The following KCNT2 variants were observed in gnomAD, a reference collection of about 807,000 sequenced individuals.
KCNT2 encodes the protein potassium sodium-activated channel subfamily T member 2.
KCNT2 carries 67 observed loss-of-function variants against 153.8 expected under a neutral mutation model. The ratio of observed to expected loss-of-function variants is 0.44; its 90% CI spans 0.36 to 0.53. The LOEUF (loss-of-function observed/expected upper bound fraction) is 0.53, where lower values mean the gene tolerates loss of function less well. Among genes scored for constraint, KCNT2 ranks in the 20% least tolerant of loss-of-function variants. KCNT2 has a pLI of 0.00. For missense variants in KCNT2, 975 were observed against 1,354.8 expected (o/e 0.72, Z 4.40); for synonymous variants, 500 against 458.8 (o/e 1.09, Z -1.15).
chr1:196,449,242 C>T lies in KCNT2; in HGVS notation c.638+16051G>A, dbSNP rs535217329. Reference sequence around the variant, plus strand: ...TTCACAGTAGGCACACTAGAGGGAACAAGCTCATATGAAATTCTAATGAGA... The same window carrying T: ...TTCACAGTAGGCACACTAGAGGGAATAAGCTCATATGAAATTCTAATGAGA... On this transcript the variant is annotated intron_variant, in intron 8 of 27. Transcript: ENST00000294725. Among the ~76,000 whole-genome samples, 18 of 151,764 alleles carry T rather than the reference C, an allele frequency of 1.2e-4. No individual in the cohort carries two copies. In the East Asian group the frequency reaches 3.3e-3, roughly 28 times the overall value.
At chr1:196,313,173 A>G (rs554822877) in intron 21 of KCNT2, among the ~76,000 whole-genome samples, 2 of 151,794 alleles carry the variant, frequency 1.3e-5, no homozygotes, top group African/African-American at 4.8e-5. Context: ...TAGGGTAAGT[A>G]AAAAGGTAGT....
chr1:196,426,048 A>T, intron 10 of KCNT2, 60 bp from the exon 11 acceptor site: 1 of 1,287,568 alleles, frequency 7.8e-7, no homozygotes, highest in Non-Finnish European at 1.1e-6. Flanking sequence ...TACACTACAT[A>T]GAAAAATAAA....
At chr1:196,294,465 A>G (rs1359769325) in intron 22 of KCNT2, among the ~76,000 whole-genome samples, 1 of 151,940 alleles carries the variant, frequency 6.6e-6, no homozygotes, top group African/African-American at 2.4e-5. Context: ...TAGTAGAGAC[A>G]GGGTTTCACC....
chr1:196,233,175 C>G (rs1654111111), intron 27 of KCNT2, among the ~76,000 whole-genome samples: 2 of 151,276 alleles, frequency 1.3e-5, no homozygotes, highest in South Asian at 4.1e-4. Flanking sequence ...AATTGAAGTC[C>G]TTTATAAATT....
chr1:196,481,967 A>G (rs917861264), intron 4 of KCNT2, among the ~76,000 whole-genome samples: 36 of 152,290 alleles, frequency 2.4e-4, no homozygotes, highest in Admixed American at 2.1e-3. Flanking sequence ...CACTAAGAAT[A>G]CAAGGTAAAA....
chr1:196,253,854 A>C (rs1463457725), intron 26 of KCNT2, among the ~76,000 whole-genome samples: 1 of 151,598 alleles, frequency 6.6e-6, no homozygotes, highest in Non-Finnish European at 1.5e-5. Flanking sequence ...TTTCAATAAC[A>C]AAAAAATTTT....
At chr1:196,248,611 C>A (rs1203023626) in intron 26 of KCNT2, among the ~76,000 whole-genome samples, 1 of 152,022 alleles carries the variant, frequency 6.6e-6, no homozygotes, top group Non-Finnish European at 1.5e-5. Context: ...AAATCCAAAA[C>A]CTAAACAGAC....
intron 25 of KCNT2, among the ~76,000 whole-genome samples, chr1:196,266,695 T>G (rs979674901): frequency 6.6e-6 from 1 of 152,168 alleles, no homozygotes; most frequent in African/African-American, 2.4e-5. Context: ...CTTCTCCTTT[T>G]AATAGTCAAA....
chr1:196,550,200 G>A (rs1006775001), intron 1 of KCNT2, among the ~76,000 whole-genome samples: 6 of 151,674 alleles, frequency 4.0e-5, no homozygotes, highest in African/African-American at 1.5e-4. Context: ...TCAGTTTAAA[G>A]GATAAAAAAG....
chr1:196,501,438 T>G (rs754630448), intron 1 of KCNT2, among the ~76,000 whole-genome samples: 2 of 152,152 alleles, frequency 1.3e-5, no homozygotes, highest in Non-Finnish European at 2.9e-5. Context: ...AATATCTTTT[T>G]CAGCAACATG....
At position 196,441,011 on chromosome 1, in the gene KCNT2, G is replaced by T. The variant is rs576082606; in HGVS notation, c.639-11254C>A. Among the ~76,000 whole-genome samples, 240 of 151,898 alleles carry T rather than the reference G, an allele frequency of 1.6e-3. 1 individual carries two copies. Among genetic ancestry groups the T allele is most frequent in the African/African-American group, 5.6e-3 (232 of 41,514 alleles). On this transcript the variant is annotated intron_variant, in intron 8 of 27. Transcript: ENST00000294725. Reference sequence around the variant, plus strand: ...GAAGCTCCCTCATCCTGCTCAGAAAGAAGCTGGGAGAAGACAGATTTCTTT... The same window carrying T: ...GAAGCTCCCTCATCCTGCTCAGAAATAAGCTGGGAGAAGACAGATTTCTTT...
rs1273560334 is a variant in KCNT2 at position 196,326,862 on chromosome 1, C to T, written c.2131G>A (p.Ala711Thr). The change falls in exon 19 of 28, where the codon GCA becomes ACA. Residue 711 changes from alanine to threonine, a missense_variant. Transcript: ENST00000294725. ...TTATTTTTGAATCCATAGGCTTTTGCATCCTCATAGTAGTTATGTTGGCAA... is the reference window on the plus strand; with the variant it reads ...TTATTTTTGAATCCATAGGCTTTTGTATCCTCATAGTAGTTATGTTGGCAA... ...KSCQHNYYED[A>T]KAYGFKNKLI... 3 of 1,583,416 alleles carry T rather than the reference C, an allele frequency of 1.9e-6. No individual in the cohort carries two copies. In the African/African-American group the frequency reaches 4.1e-5, roughly 22 times the overall value.
At chr1:196,598,682 T>A (rs915833654) in intron 1 of KCNT2, among the ~76,000 whole-genome samples, 1 of 152,212 alleles carries the variant, frequency 6.6e-6, no homozygotes, top group Non-Finnish European at 1.5e-5. Context: ...ATAGGCATAA[T>A]AATTAGATTC....
At chr1:196,595,197 A>T (rs1238381781) in intron 1 of KCNT2, among the ~76,000 whole-genome samples, 1 of 152,136 alleles carries the variant, frequency 6.6e-6, no homozygotes, top group Admixed American at 6.6e-5. Flanking sequence ...TGAAAAAAAT[A>T]GTACAAATCT....
At chr1:196,443,711 G>A (rs1270049235) in intron 8 of KCNT2, among the ~76,000 whole-genome samples, 2 of 151,488 alleles carry the variant, frequency 1.3e-5, no homozygotes, top group Non-Finnish European at 3.0e-5. Flanking sequence ...AATCCCACAA[G>A]GGCAGAGGCA....
chr1:196,281,100 T>C, intron 24 of KCNT2, 112 bp from the exon 25 acceptor site: 7 of 769,044 alleles, frequency 9.1e-6, no homozygotes, highest in East Asian at 2.7e-5. Context: ...TCTCACTCTG[T>C]CACCCAGGCT....
At chr1:196,529,107 TATA>T (rs2148843488) in intron 1 of KCNT2, among the ~76,000 whole-genome samples, 1 of 152,276 alleles carries the variant, frequency 6.6e-6, no homozygotes, top group South Asian at 2.1e-4. Flanking sequence ...AAAGTCAGTG[TATA>T]ATATGTGTAC....
chr1:196,317,381 GTCTT>G, intron 20 of KCNT2: 2 of 296,040 alleles, frequency 6.8e-6, no homozygotes, highest in Non-Finnish European at 1.4e-5. Flanking sequence ...GGATACTTGG[GTCTT>G]TCTTTTATTC....
intron 1 of KCNT2, among the ~76,000 whole-genome samples, chr1:196,563,457 A>T (rs971449129): frequency 1.3e-5 from 1 of 74,778 alleles, no homozygotes; most frequent in Non-Finnish European, 2.5e-5. Flanking sequence ...AAAAGAAAAA[A>T]GAAAAAAAAA....
Sources: allele counts gnomAD v4.1 joint callset (sites outside exome capture counted in the v4.1 genomes callset), GRCh38; gene constraint gnomAD v4.1.1; transcripts MANE v1.5; gene names NCBI Gene and HGNC (gene_info 2026-07-23, HGNC 2026-07-21).